The following NTM variants were observed in gnomAD, a reference collection of about 807,000 sequenced individuals.
The protein encoded by NTM is neurotrimin, also known as IgLON family member 2.
A neutral mutation model predicts 42.1 loss-of-function variants in NTM; 13 were observed. The observed-to-expected ratio is 0.31, with a 90% CI of 0.20 to 0.49. NTM has a LOEUF of 0.49. Ranked by LOEUF, NTM falls within the 20% of genes least tolerant of loss-of-function variation. The probability of loss-of-function intolerance (pLI) is 0.99; values close to 1 mark genes in which losing one functional copy is unlikely to be tolerated. For missense variants in NTM, 373 were observed against 452.8 expected (o/e 0.82, Z 1.60); for synonymous variants, 187 against 179.2 (o/e 1.04, Z -0.35).
chr11:131,458,749 G>T (rs1475756190), intron 1 of NTM, among the ~76,000 whole-genome samples: 1 of 152,220 alleles, frequency 6.6e-6, no homozygotes, highest in Admixed American at 6.5e-5. Context: ...TCCCAGGGCT[G>T]TCTAAACTGG....
intron 1 of NTM, among the ~76,000 whole-genome samples, chr11:131,618,626 T>A (rs1033365938): frequency 3.3e-5 from 5 of 152,206 alleles, no homozygotes; most frequent in Non-Finnish European, 5.9e-5. Flanking sequence ...GTGAGCCCAC[T>A]TTAAAACCTC....
chr11:131,812,609 G>A (rs1024100725), intron 1 of NTM, among the ~76,000 whole-genome samples: 5 of 152,190 alleles, frequency 3.3e-5, no homozygotes, highest in South Asian at 2.1e-4. Flanking sequence ...GCCTCCCACC[G>A]GAACTCCAGA....
At chr11:132,141,134 G>T (rs4278522) in intron 2 of NTM, 78,498 of 151,782 alleles carry the variant, frequency 0.52, 20,853 homozygotes, top group Non-Finnish European at 0.58. Flanking sequence ...TCTCCTTATT[G>T]CAACACTCTC....
intron 1 of NTM, among the ~76,000 whole-genome samples, chr11:131,388,086 A>C (rs986476245): frequency 1.3e-5 from 2 of 152,142 alleles, no homozygotes; most frequent in Non-Finnish European, 2.9e-5. Flanking sequence ...GAATGTTGGG[A>C]GCTCTTTCTG....
chr11:131,588,743 A>G (rs531032386), intron 1 of NTM, among the ~76,000 whole-genome samples: 1 of 152,356 alleles, frequency 6.6e-6, no homozygotes, highest in South Asian at 2.1e-4. Flanking sequence ...AGTTGGGTAT[A>G]GAAAACTACG....
chr11:131,947,913 A>G (rs2060518159), intron 2 of NTM, among the ~76,000 whole-genome samples: 1 of 152,226 alleles, frequency 6.6e-6, no homozygotes, highest in Non-Finnish European at 1.5e-5. Flanking sequence ...AATGTAAGTA[A>G]GCACACAATA....
At chr11:132,307,185 A>G (rs1287987092) in intron 4 of NTM, among the ~76,000 whole-genome samples, 1 of 152,078 alleles carries the variant, frequency 6.6e-6, no homozygotes, top group Non-Finnish European at 1.5e-5. Flanking sequence ...TAAATTTTTT[A>G]TGTTAGTGTT....
chr11:132,094,537 A>G (rs189275324), intron 2 of NTM, among the ~76,000 whole-genome samples: 5 of 152,322 alleles, frequency 3.3e-5, no homozygotes, highest in African/African-American at 9.6e-5. Context: ...AAGACCAAAA[A>G]TGAATGAGAG....
chr11:131,474,526 T>G (rs1591773084), intron 1 of NTM, among the ~76,000 whole-genome samples: 1 of 152,146 alleles, frequency 6.6e-6, no homozygotes, highest in Non-Finnish European at 1.5e-5. Flanking sequence ...AGGTACCATA[T>G]GCCTCAGGCT....
At position 131,541,718 on chromosome 11, in the gene NTM, A is replaced by G. The variant is rs1349099533; in HGVS notation, c.82+170830A>G. Among the ~76,000 whole-genome samples the G allele has an allele frequency of 3.3e-5, 5 of 152,304 alleles. No individual in the cohort carries two copies. In the East Asian group the frequency reaches 9.6e-4, roughly 29 times the overall value. On this transcript the variant is annotated intron_variant, in intron 1 of 8. Transcript: ENST00000683400. ...ATCATCTAAAATAGGGCCTGTAGAG[A>G]AAAGAATACAATAGCCATCTAAGGA... is the stretch of plus-strand genomic sequence containing the variant.
intron 4 of NTM, 77 bp downstream of exon 4, chr11:132,212,224 G>T (rs898156862): frequency 2.5e-6 from 3 of 1,179,218 alleles, no homozygotes; most frequent in African/African-American, 3.1e-5. Flanking sequence ...GGTTATGGGT[G>T]CTGATACCTA....
chr11:131,852,029 T>A (rs1442068373), intron 1 of NTM, among the ~76,000 whole-genome samples: 3 of 152,172 alleles, frequency 2.0e-5, no homozygotes, highest in African/African-American at 7.2e-5. Flanking sequence ...TTCCAGCTAC[T>A]GGACTCGCAG....
intron 1 of NTM, among the ~76,000 whole-genome samples, chr11:131,395,720 T>G (rs1944478570): frequency 6.6e-6 from 1 of 152,186 alleles, no homozygotes; most frequent in African/African-American, 2.4e-5. Flanking sequence ...AAGGGAGAAG[T>G]GGCTGGTGTC....
intron 4 of NTM, among the ~76,000 whole-genome samples, chr11:132,217,758 T>C (rs2138788243): frequency 6.6e-6 from 1 of 152,156 alleles, no homozygotes; most frequent in East Asian, 2.0e-4. Flanking sequence ...TTGACTGCCC[T>C]GTTTCTTTTT....
chr11:132,013,392 C>A (rs895559733), intron 2 of NTM, among the ~76,000 whole-genome samples: 1 of 152,024 alleles, frequency 6.6e-6, no homozygotes, highest in African/African-American at 2.4e-5. Context: ...GGAAAGGAAG[C>A]CTGACTGGAG....
At chr11:131,604,344 A>G (rs1481180162) in intron 1 of NTM, among the ~76,000 whole-genome samples, 1 of 152,178 alleles carries the variant, frequency 6.6e-6, no homozygotes, top group Non-Finnish European at 1.5e-5. Context: ...AGGTAGGACT[A>G]TTCAGATCCT....
intron 1 of NTM, among the ~76,000 whole-genome samples, chr11:131,813,665 A>T (rs561521733): frequency 1.6e-4 from 25 of 152,362 alleles, no homozygotes; most frequent in Non-Finnish European, 3.4e-4. Flanking sequence ...AGTTCCCCCA[A>T]TAAAATCAAA....
At chr11:132,154,003 G>A (rs1340182104) in intron 3 of NTM, among the ~76,000 whole-genome samples, 1 of 152,166 alleles carries the variant, frequency 6.6e-6, no homozygotes. Context: ...AGAGGAAATG[G>A]CATCCCAAAC....
intron 1 of NTM, among the ~76,000 whole-genome samples, chr11:131,457,564 A>T (rs1259015161): frequency 6.6e-6 from 1 of 152,208 alleles, no homozygotes; most frequent in East Asian, 1.9e-4. Context: ...AGTATGCCAG[A>T]AATGATACTG....
Sources: allele counts gnomAD v4.1 joint callset (sites outside exome capture counted in the v4.1 genomes callset), GRCh38; gene constraint gnomAD v4.1.1; transcripts MANE v1.5; gene names NCBI Gene and HGNC (gene_info 2026-07-23, HGNC 2026-07-21).